FAM135B: variants seen among roughly 807,000 people sequenced by gnomAD.
FAM135B encodes the protein protein FAM135B.
FAM135B carries 43 observed loss-of-function variants against 127.7 expected under a neutral mutation model. The ratio of observed to expected loss-of-function variants is 0.34; its 90% CI spans 0.26 to 0.43. The LOEUF is 0.43. FAM135B is among the 20% of genes least tolerant of loss of function. The pLI is 1.00. For synonymous variants in FAM135B, 670 were observed against 665.1 expected, an observed-to-expected ratio of 1.01 and a Z score of -0.11; for missense variants, 1,558 against 1,725.6, an observed-to-expected ratio of 0.90 and a Z score of 1.72.
At position 138,243,310 on chromosome 8, in the gene FAM135B, G is replaced by T. The variant is rs975222616; in HGVS notation, c.543-242C>A. ...CATCCTACAATGTGTGCATGTAAAT[G>T]CCCACCCTAAATGCCAACAACATAC... On this transcript the variant is annotated intron_variant, in intron 6 of 19. Transcript: ENST00000395297. This position sits in a 1 kb window ranked among gnomAD's most constrained non-coding sequence, Gnocchi z 7.5. 1.3e-5 allele frequency among the ~76,000 whole-genome samples: 2 copies of T among 152,136 alleles called. No homozygotes were observed. The highest frequency in any genetic ancestry group is 2.9e-5 in the Non-Finnish European group (2 of 68,024).
At chr8:138,235,910 A>G (rs1820236401) in intron 7 of FAM135B, among the ~76,000 whole-genome samples, 1 of 152,130 alleles carries the variant, frequency 6.6e-6, no homozygotes, top group South Asian at 2.1e-4. Context: ...TTCTAAGTAA[A>G]ACAAAGGAAG....
intron 2 of FAM135B, among the ~76,000 whole-genome samples, chr8:138,335,793 C>T (rs193051570): frequency 1.3e-5 from 2 of 152,304 alleles, no homozygotes; most frequent in Admixed American, 1.3e-4. Context: ...CCCAAATCAA[C>T]AGAATATACA....
In FAM135B at chr8:138,235,726, G is replaced by A. The variant is rs560129791; in HGVS notation, c.669+7216C>T. On this transcript the variant is annotated intron_variant, in intron 7 of 19. Coordinates refer to ENST00000395297, the MANE Select transcript of FAM135B (RefSeq NM_015912.4). ...AAGGGGCTGTCATGGCACAAGGCTCGGCATGGTGGGAGCCTTATAAAGCTA... is the reference window on the plus strand; with the variant it reads ...AAGGGGCTGTCATGGCACAAGGCTCAGCATGGTGGGAGCCTTATAAAGCTA... Among the ~76,000 whole-genome samples, 4 of 152,210 alleles carry A rather than the reference G, an allele frequency of 2.6e-5. No homozygotes were observed. In the South Asian group the frequency reaches 6.2e-4, roughly 24 times the overall value.
At chr8:138,408,862 T>C (rs1015358016) in intron 1 of FAM135B, among the ~76,000 whole-genome samples, 4 of 152,080 alleles carry the variant, frequency 2.6e-5, no homozygotes, top group African/African-American at 9.7e-5. Flanking sequence ...TGAGATGAGA[T>C]TTGGGTAGGG....
At chr8:138,420,403 G>T (rs554246034) in intron 1 of FAM135B, among the ~76,000 whole-genome samples, 2 of 152,084 alleles carry the variant, frequency 1.3e-5, no homozygotes, top group Admixed American at 6.6e-5. Flanking sequence ...GAGATTCACA[G>T]TCAAAATTTA....
At chr8:138,209,929 C>G (rs1818009866) in intron 7 of FAM135B, among the ~76,000 whole-genome samples, 1 of 152,066 alleles carries the variant, frequency 6.6e-6, no homozygotes, top group Admixed American at 6.5e-5. Context: ...GAATTAAAGT[C>G]CCCAAATAGA....
intron 7 of FAM135B, among the ~76,000 whole-genome samples, chr8:138,208,765 G>C (rs574879749): frequency 2.6e-5 from 4 of 152,146 alleles, no homozygotes; most frequent in South Asian, 2.1e-4. Context: ...ATTATTGGTA[G>C]GAATTTCATA....
At position 138,152,697 on chromosome 8, in the gene FAM135B, C is replaced by T. The variant is rs2130778655; in HGVS notation, c.1778G>A (p.Ser593Asn). 5 of 1,614,202 alleles carry T rather than the reference C, an allele frequency of 3.1e-6. No individual in the cohort carries two copies. The highest frequency in any genetic ancestry group is 4.2e-6 in the Non-Finnish European group (5 of 1,180,040). The change falls in exon 13 of 20, where the codon AGC (serine) becomes AAC (asparagine). Residue 593 changes from serine (S) to asparagine (N), a missense_variant. By Grantham distance (46) the Ser-to-Asn change is conservative. Transcript: ENST00000395297. ...DKYGLDRTGL[S>N]KVVVGGSHQN... ...GTGGCTTCCACCTACTACCACTTTG[C>T]TTAGCCCAGTCCTGTCTAATCCATA...
intron 8 of FAM135B, 51 bp downstream of exon 8, chr8:138,197,465 A>G: frequency 4.4e-6 from 7 of 1,583,720 alleles, no homozygotes; most frequent in Non-Finnish European, 6.0e-6. Context: ...CCTTGTGTGG[A>G]GGAGGCACAT....
chr8:138,279,645 G>A (rs905857466), intron 3 of FAM135B, among the ~76,000 whole-genome samples: 1 of 152,132 alleles, frequency 6.6e-6, no homozygotes, highest in Admixed American at 6.5e-5. Context: ...ATAAGACAAA[G>A]ATGCCCATCG....
chr8:138,276,384 T>C (rs541949924), intron 3 of FAM135B, among the ~76,000 whole-genome samples: 57 of 152,278 alleles, frequency 3.7e-4, no homozygotes, highest in African/African-American at 1.4e-3. Context: ...TAGTCCACCG[T>C]GGCCTTGGCC....
At chr8:138,298,930 G>A (rs1043031382) in intron 3 of FAM135B, among the ~76,000 whole-genome samples, 21 of 151,880 alleles carry the variant, frequency 1.4e-4, no homozygotes, top group African/African-American at 4.6e-4. Context: ...TTTCAAAAAC[G>A]GTGCCTGTAA....
At chr8:138,484,926 C>G (rs1396982616) in intron 1 of FAM135B, among the ~76,000 whole-genome samples, 1 of 152,124 alleles carries the variant, frequency 6.6e-6, no homozygotes, top group Non-Finnish European at 1.5e-5. Context: ...TTTAAACAAA[C>G]TAAAAATGCA....
At chr8:138,159,278 C>CAAAAAAAAAAAAAAAAAAAAAA (rs1441016128) in intron 12 of FAM135B, among the ~76,000 whole-genome samples, 1 of 31,630 alleles carries the variant, frequency 3.2e-5, no homozygotes. Flanking sequence ...GACTCCGTCT[C>CAAAAAAAAAAAAAAAAAAAAAA]AAAAAAAAAA....
At chr8:138,153,695 C>T (rs907004750) in intron 12 of FAM135B, among the ~76,000 whole-genome samples, 1 of 152,196 alleles carries the variant, frequency 6.6e-6, no homozygotes, top group African/African-American at 2.4e-5. Flanking sequence ...ACTGCTAGCA[C>T]AGCAGTCTGA....
chr8:138,461,983 C>T (rs1468922038), intron 1 of FAM135B, among the ~76,000 whole-genome samples: 1 of 151,706 alleles, frequency 6.6e-6, no homozygotes, highest in African/African-American at 2.4e-5. Flanking sequence ...CTCTCAGAAG[C>T]CTGACTCAAC....
intron 3 of FAM135B, among the ~76,000 whole-genome samples, chr8:138,297,988 C>G (rs554077668): frequency 3.3e-5 from 5 of 152,156 alleles, no homozygotes; most frequent in Admixed American, 2.0e-4. Context: ...TGCCCAGACC[C>G]GGGAGCTGGA....
chr8:138,457,029 A>C (rs1473901109), intron 1 of FAM135B, among the ~76,000 whole-genome samples: 1 of 152,098 alleles, frequency 6.6e-6, no homozygotes, highest in Non-Finnish European at 1.5e-5. Flanking sequence ...AAGGAACAAA[A>C]AAAAAAAAGC....
At position 138,153,076 on chromosome 8, in the gene FAM135B, G is replaced by A. The variant is rs1818335185; in HGVS notation, c.1399C>T (p.Pro467Ser). 1 of 1,614,020 alleles carries A rather than the reference G, an allele frequency of 6.2e-7. No individual in the cohort carries two copies. The highest frequency in any genetic ancestry group is 8.5e-7 in the Non-Finnish European group (1 of 1,180,018). Residue 467 changes from proline (P) to serine (S), a missense_variant, in exon 13 of 20, where the codon CCA becomes TCA. By Grantham distance (74) the Pro-to-Ser change is moderately conservative. This residue lies in a region of FAM135B where 923 missense variants were observed against 865.3 expected (regional missense o/e 1.07). Coordinates refer to ENST00000395297, the MANE Select transcript of FAM135B (RefSeq NM_015912.4). ...TCTTCATCAGAATCCATTTGGGATGGTTTTATGGTAGACAAGACAAGGTCT... is the reference window on the plus strand; with the variant it reads ...TCTTCATCAGAATCCATTTGGGATGATTTTATGGTAGACAAGACAAGGTCT... The part of the protein sequence containing the change: ...REDLVLSTIK[P>S]SQMDSDEEVI...
Sources: allele counts gnomAD v4.1 joint callset (sites outside exome capture counted in the v4.1 genomes callset), GRCh38; gene constraint gnomAD v4.1.1; regional missense constraint gnomAD v4.1.1; non-coding constraint Gnocchi (gnomAD v3.1); transcripts MANE v1.5; gene names NCBI Gene and HGNC (gene_info 2026-07-23, HGNC 2026-07-21).